TPD52L1: variants seen among roughly 807,000 people sequenced by gnomAD.
TPD52L1 encodes tumor protein D53.
Under a neutral mutation model 28.7 loss-of-function variants are expected in TPD52L1, and 18 were observed. That is an observed-to-expected ratio of 0.63 (90% CI 0.43 to 0.93). TPD52L1 has a LOEUF of 0.93. TPD52L1 is among the 40% of genes least tolerant of loss of function. The probability of loss-of-function intolerance (pLI) is 0.00; values close to 1 mark genes in which losing one functional copy is unlikely to be tolerated. For synonymous variants in TPD52L1, 75 were observed against 88.8 expected, an observed-to-expected ratio of 0.84 and a Z score of 0.88; for missense variants, 203 against 254.8, an observed-to-expected ratio of 0.80 and a Z score of 1.39.
chr6:125,252,182 G>T (rs1409626969), intron 4 of TPD52L1: 1 of 821,324 alleles, frequency 1.2e-6, no homozygotes, highest in Non-Finnish European at 1.9e-6. Flanking sequence ...CAGGAAGATA[G>T]TTTATAGGGC....
intron 4 of TPD52L1, chr6:125,251,950 A>C: frequency 1.3e-6 from 2 of 1,485,798 alleles, no homozygotes; most frequent in Non-Finnish European, 1.8e-6. Context: ...CACCAAGGGC[A>C]GTGCAGTGTT....
chr6:125,172,539 T>TATATATA (rs1791527952), intron 1 of TPD52L1, among the ~76,000 whole-genome samples: 2 of 95,042 alleles, frequency 2.1e-5, no homozygotes, highest in African/African-American at 8.8e-5. Flanking sequence ...TATATATATA[T>TATATATA]ATATATATAT....
chr6:125,221,299 G>A (rs3799744), intron 2 of TPD52L1, among the ~76,000 whole-genome samples: 43,013 of 152,070 alleles, frequency 0.28, 7,073 homozygotes, highest in Admixed American at 0.44. Flanking sequence ...GTGGCTGCAC[G>A]TACCAGAGTG....
At chr6:125,229,373 GA>G (rs1037100304) in intron 3 of TPD52L1, 107 bp downstream of exon 3, 352 of 1,108,476 alleles carry the variant, frequency 3.2e-4, no homozygotes, top group Middle Eastern at 7.1e-4. Flanking sequence ...ATGAAGCTAG[GA>G]AAAAAAAATA....
intron 1 of TPD52L1, among the ~76,000 whole-genome samples, chr6:125,198,107 T>C (rs1793563179): frequency 6.6e-6 from 1 of 152,194 alleles, no homozygotes; most frequent in Non-Finnish European, 1.5e-5. Context: ...GAGTGTGATC[T>C]TGAACTCTGC....
chr6:125,260,972 GAAAGAAAAGAAAAGAAAGAAAGA>G (rs1797940771), intron 6 of TPD52L1: 1 of 51,246 alleles, frequency 2.0e-5, no homozygotes, highest in African/African-American at 1.5e-4. Flanking sequence ...AAGAAAGAAA[GAAAGAAAAGAAAAGAAAGAAAGA>G]AAGAAAGAAA....
intron 1 of TPD52L1, among the ~76,000 whole-genome samples, chr6:125,164,359 T>A (rs969570896): frequency 2.6e-5 from 4 of 152,232 alleles, no homozygotes; most frequent in African/African-American, 7.2e-5. Context: ...AGCTTGCTAT[T>A]TTTGTTCTGT....
chr6:125,166,821 G>C (rs1437861862), intron 1 of TPD52L1, among the ~76,000 whole-genome samples: 1 of 151,638 alleles, frequency 6.6e-6, no homozygotes, highest in African/African-American at 2.4e-5. Flanking sequence ...ATAGATGGGA[G>C]ATATGACAGT....
chr6:125,260,972 GAAAGAA>G lies in TPD52L1; in HGVS notation c.487-1859_487-1854del, dbSNP rs1388025516. On this transcript the variant is annotated intron_variant, in intron 6 of 6. Transcript: ENST00000534000. ...AGAAAGAAAGAAAGAAAGAAAGAAA[GAAAGAA>G]AAGAAAAGAAAGAAAGAAAGAAAGA... The G allele has an allele frequency of 4.9e-4, 25 of 51,254 alleles. 1 individual carries two copies. Among genetic ancestry groups the G allele is most frequent in the African/African-American group, 3.7e-3 (25 of 6,716 alleles). The allele number at this position is 51,254 out of a possible 1,614,324, so 3.2% of individuals were successfully genotyped here.
At chr6:125,160,542 T>C (rs1379390726) in intron 1 of TPD52L1, among the ~76,000 whole-genome samples, 2 of 152,098 alleles carry the variant, frequency 1.3e-5, no homozygotes, top group Non-Finnish European at 2.9e-5. Context: ...GAATAATTCA[T>C]AAGGGCCTTA....
intron 1 of TPD52L1, among the ~76,000 whole-genome samples, chr6:125,177,303 G>A (rs9482608): frequency 0.036 from 5,532 of 152,168 alleles, 360 homozygotes; most frequent in African/African-American, 0.13. Flanking sequence ...CCTCATTTCA[G>A]CTTGTCAGAT....
At chr6:125,164,825 A>C (rs1678920062) in intron 1 of TPD52L1, among the ~76,000 whole-genome samples, 1 of 152,086 alleles carries the variant, frequency 6.6e-6, no homozygotes, top group Admixed American at 6.5e-5. Flanking sequence ...TTGAAGCAGC[A>C]ACTGCAGAAA....
At chr6:125,223,708 C>CAAAAA (rs11294390) in intron 2 of TPD52L1, among the ~76,000 whole-genome samples, 18 of 71,464 alleles carry the variant, frequency 2.5e-4, no homozygotes, top group Admixed American at 5.5e-4. Flanking sequence ...GATTCCATCT[C>CAAAAA]AAAAAAAAAA....
chr6:125,166,567 C>CT (rs1790919669), intron 1 of TPD52L1, among the ~76,000 whole-genome samples: 1 of 151,964 alleles, frequency 6.6e-6, no homozygotes, highest in Admixed American at 6.6e-5. Flanking sequence ...GGTGAAGTGC[C>CT]TAGGAGCCTG....
At chr6:125,216,323 G>A (rs764460989) in intron 1 of TPD52L1, among the ~76,000 whole-genome samples, 40 of 151,834 alleles carry the variant, frequency 2.6e-4, no homozygotes, top group Non-Finnish European at 5.3e-4. Flanking sequence ...GGAAGTCATC[G>A]TGAAGCACCT....
chr6:125,251,547 T>C (rs912342890), intron 4 of TPD52L1, among the ~76,000 whole-genome samples: 1 of 152,216 alleles, frequency 6.6e-6, no homozygotes, highest in Non-Finnish European at 1.5e-5. Context: ...CATTTTAACC[T>C]GATTGTCATG....
rs144199830 is a variant in TPD52L1 at position 125,160,996 on chromosome 6, G to A, written c.19+7026G>A. 1.8e-3 allele frequency among the ~76,000 whole-genome samples: 278 copies of A among 152,144 alleles called. 1 individual carries two copies. The highest frequency in any genetic ancestry group is 6.3e-3 in the African/African-American group (263 of 41,498). The stretch of plus-strand genomic sequence containing the variant: ...GCTTCCTGAATAGCAGGGATTACAG[G>A]TGCGTGCCACCACGCCCTGCTAATT... On this transcript the variant is annotated intron_variant, in intron 1 of 6. Coordinates refer to ENST00000534000, the MANE Select transcript of TPD52L1 (RefSeq NM_003287.4).
intron 3 of TPD52L1, among the ~76,000 whole-genome samples, chr6:125,241,958 T>G (rs182270643): frequency 6.6e-6 from 1 of 152,204 alleles, no homozygotes; most frequent in Admixed American, 6.5e-5. Flanking sequence ...TGTAGTCATT[T>G]AATGCTATGA....
intron 1 of TPD52L1, among the ~76,000 whole-genome samples, chr6:125,157,994 G>C (rs755231972): frequency 2.0e-5 from 3 of 152,032 alleles, no homozygotes; most frequent in Admixed American, 1.3e-4. Context: ...GGTGGCTGCC[G>C]ACATTCTTGG....
Sources: allele counts gnomAD v4.1 joint callset (sites outside exome capture counted in the v4.1 genomes callset), GRCh38; gene constraint gnomAD v4.1.1; transcripts MANE v1.5; gene names NCBI Gene and HGNC (gene_info 2026-07-23, HGNC 2026-07-21).